Variants in BNIP3 observed in about 807,000 individuals in gnomAD.
BNIP3 encodes the protein BCL2 interacting protein 3.
BNIP3 carries 16 observed loss-of-function variants against 23.9 expected under a neutral mutation model. The observed-to-expected ratio is 0.67, with a 90% CI of 0.45 to 1.01. The LOEUF (loss-of-function observed/expected upper bound fraction) is 1.01. Among genes scored for constraint, BNIP3 ranks in the 50% least tolerant of loss-of-function variants. BNIP3 has a pLI of 0.00. For missense variants in BNIP3, 198 were observed against 248.7 expected (o/e 0.80, Z 1.37); for synonymous variants, 81 against 89.3 (o/e 0.91, Z 0.53).
Position 131,973,954 on chromosome 10 carries a change from C to A in BNIP3, c.47-11G>T. ...GTTCTACCCAGGAGCCTGATGGGGA[C>A]AAAAAAAGGGGCGCAGATGGAATTC... On this transcript the variant is annotated splice_polypyrimidine_tract_variant and intron_variant, in intron 1 of 5. Coordinates refer to ENST00000368636, the MANE Select transcript of BNIP3 (RefSeq NM_004052.4). The A allele has an allele frequency of 1.9e-6, 3 of 1,607,576 alleles. No individual in the cohort carries two copies. The highest frequency in any genetic ancestry group is 1.7e-6 in the Non-Finnish European group (2 of 1,178,326).
intron 3 of BNIP3, 51 bp downstream of exon 3, chr10:131,972,983 A>G (rs909311831): frequency 3.2e-6 from 5 of 1,559,572 alleles, no homozygotes; most frequent in Non-Finnish European, 4.4e-6. Flanking sequence ...CGTTTCCTGT[A>G]CAAACAGATC....
intron 1 of BNIP3, among the ~76,000 whole-genome samples, chr10:131,978,879 TG>T (rs1205998932): frequency 6.7e-6 from 1 of 150,352 alleles, no homozygotes; most frequent in Non-Finnish European, 1.5e-5. Context: ...CCAGGGGAGG[TG>T]GGCTCTAAGA....
At chr10:131,973,758 C>T (rs1319816932) in intron 2 of BNIP3, 35 bp downstream of exon 2, 1 of 1,607,388 alleles carries the variant, frequency 6.2e-7, no homozygotes, top group Non-Finnish European at 8.5e-7. Flanking sequence ...AAGACATCGG[C>T]ACTGTAACAC....
Position 131,967,908 on chromosome 10 carries a change from A to C in BNIP3, c.*616T>G, listed in dbSNP as rs1396381399. 6.6e-6 allele frequency: 1 copy of C among 152,296 alleles called. No homozygotes were observed. The highest frequency in any genetic ancestry group is 2.4e-5 in the African/African-American group (1 of 41,466). The allele number at this position is 152,296 out of a possible 1,614,324, so 9.4% of individuals were successfully genotyped here. On this transcript the variant is annotated 3_prime_UTR_variant, in exon 6 of 6. Coordinates refer to ENST00000368636, the MANE Select transcript of BNIP3 (RefSeq NM_004052.4). Reference sequence around the variant, plus strand: ...TGATCACCTAATAATCGGAGACTTAATTCCTTATAATGCAAAAGCAAGAAG... The same window carrying C: ...TGATCACCTAATAATCGGAGACTTACTTCCTTATAATGCAAAAGCAAGAAG...
intron 1 of BNIP3, among the ~76,000 whole-genome samples, chr10:131,979,948 C>T (rs973628275): frequency 6.6e-6 from 1 of 152,204 alleles, no homozygotes; most frequent in East Asian, 1.9e-4. Flanking sequence ...CGCTCCGTCC[C>T]GGATTTGCAG....
intron 3 of BNIP3, among the ~76,000 whole-genome samples, chr10:131,972,746 T>C (rs928673455): frequency 6.6e-6 from 1 of 152,130 alleles, no homozygotes; most frequent in Non-Finnish European, 1.5e-5. Flanking sequence ...AGGGAGCCCT[T>C]CCTCCTTTCC....
chr10:131,969,076 G>C (rs1288058528), intron 5 of BNIP3: 1 of 156,048 alleles, frequency 6.4e-6, no homozygotes, highest in Non-Finnish European at 1.4e-5. Context: ...ATCACTCCCG[G>C]AGGGAGGAGG....
At chr10:131,973,490 C>T in intron 2 of BNIP3, 1 of 482,634 alleles carries the variant, frequency 2.1e-6, no homozygotes, top group Non-Finnish European at 3.7e-6. Context: ...GGGACCGCTC[C>T]TCCTGCGACC....
At chr10:131,973,457 T>C in intron 2 of BNIP3, 1 of 428,866 alleles carries the variant, frequency 2.3e-6, no homozygotes, top group Admixed American at 3.7e-5. Context: ...TACCTTGGAG[T>C]CACTCAGAAG....
chr10:131,979,150 T>C (rs2037100491), intron 1 of BNIP3, among the ~76,000 whole-genome samples: 3 of 152,230 alleles, frequency 2.0e-5, no homozygotes, highest in African/African-American at 7.2e-5. Context: ...GCAGAGACCT[T>C]GGCTTCTCCT....
In BNIP3 at chr10:131,968,484, A is replaced by G; in HGVS notation, c.*40T>C. 1 of 1,518,996 alleles carries G rather than the reference A, an allele frequency of 6.6e-7. No homozygotes were observed. The highest frequency in any genetic ancestry group is 9.1e-7 in the Non-Finnish European group (1 of 1,095,046). The allele number at this position is 1,518,996 out of a possible 1,614,324, so 94.1% of individuals were successfully genotyped here. A position where few individuals can be genotyped will look rare whatever the true frequency, so the allele number is the denominator to read the frequency against. On this transcript the variant is annotated 3_prime_UTR_variant, in exon 6 of 6. Transcript: ENST00000368636. ...CAGTGAGCTATGTTGCAAGCTCAGA[A>G]GTAATCCACTAACGAACCAAGTCAG...
chr10:131,981,883 G>A lies in BNIP3; in HGVS notation c.-77C>T, dbSNP rs976196909. ...TGCTTCAGCTGCGGGCGGTGGGAAA[G>A]CGGAGGTCGGAGCGCCGCGGCCCAG... On this transcript the variant is annotated 5_prime_UTR_variant, in exon 1 of 6. Transcript: ENST00000368636. The A allele has an allele frequency of 1.1e-5, 15 of 1,368,004 alleles. No homozygotes were observed. In the East Asian group the frequency reaches 2.2e-4, roughly 20 times the overall value. The allele number at this position is 1,368,004 out of a possible 1,614,324, so 84.7% of individuals were successfully genotyped here.
chr10:131,979,941 TCCGTC>T (rs1355881893), intron 1 of BNIP3, among the ~76,000 whole-genome samples: 1 of 152,248 alleles, frequency 6.6e-6, no homozygotes, highest in East Asian at 1.9e-4. Flanking sequence ...GAGCCACCGC[TCCGTC>T]CCGGATTTGC....
intron 1 of BNIP3, among the ~76,000 whole-genome samples, chr10:131,977,853 T>A (rs1393327960): frequency 5.9e-5 from 9 of 152,192 alleles, no homozygotes; most frequent in African/African-American, 2.2e-4. Flanking sequence ...TTCCCAGGAA[T>A]GATTTACTAA....
Position 131,970,521 on chromosome 10 carries a change from T to C in BNIP3, c.539+117A>G. 3 of 1,384,282 alleles carry C rather than the reference T, an allele frequency of 2.2e-6. No homozygotes were observed. The highest frequency in any genetic ancestry group is 2.9e-6 in the Non-Finnish European group (3 of 1,032,576). 85.7% of individuals were successfully genotyped at this position (1,384,282 alleles called of 1,614,324 possible). A position where few individuals can be genotyped will look rare whatever the true frequency, so the allele number is the denominator to read the frequency against. On this transcript the variant is annotated intron_variant, in intron 5 of 5. Coordinates refer to ENST00000368636, the MANE Select transcript of BNIP3 (RefSeq NM_004052.4). This position sits in a 1 kb window ranked among gnomAD's most constrained non-coding sequence, Gnocchi z 4.1. ...GTGACTACGTGGGTGTTTGTGAAAATGCACCAAGCTGTAACTGATGATCTG... is the reference window on the plus strand; with the variant it reads ...GTGACTACGTGGGTGTTTGTGAAAACGCACCAAGCTGTAACTGATGATCTG...
intron 1 of BNIP3, among the ~76,000 whole-genome samples, chr10:131,978,830 G>A (rs1234070577): frequency 2.0e-5 from 3 of 152,208 alleles, no homozygotes; most frequent in African/African-American, 7.2e-5. Flanking sequence ...GAACCCCCGA[G>A]GGAACTAGCA....
chr10:131,981,315 C>T (rs2037116789), intron 1 of BNIP3: 1 of 191,806 alleles, frequency 5.2e-6, no homozygotes, highest in South Asian at 1.9e-4. Context: ...ACATTAATAA[C>T]AAAATTAAAG....
rs1366141315 is a variant in BNIP3, at chr10:131,970,337, T to C, written c.539+301A>G. ...ACACAGAAATGAGACTGCTTTCACC[T>C]ACACACAGGACAAAGAGGTCAGACC... On this transcript the variant is annotated intron_variant, in intron 5 of 5. Coordinates refer to ENST00000368636, the MANE Select transcript of BNIP3 (RefSeq NM_004052.4). The surrounding 1 kb of genome is among the most constrained non-coding windows in gnomAD (Gnocchi z 4.1). The C allele has an allele frequency of 2.3e-6, 1 of 442,226 alleles. No individual in the cohort carries two copies. Among genetic ancestry groups the C allele is most frequent in the Non-Finnish European group, 4.1e-6 (1 of 244,462 alleles). The allele number at this position is 442,226 out of a possible 1,614,324, so 27.4% of individuals were successfully genotyped here.
rs767499629 is a variant in BNIP3, at chr10:131,973,067, A to G, written c.249T>C (p.Asp83=). The G allele has an allele frequency of 1.5e-5, 25 of 1,613,630 alleles. No individual in the cohort carries two copies. Among genetic ancestry groups the G allele is most frequent in the Non-Finnish European group, 1.9e-5 (22 of 1,179,696 alleles). Residue 83 remains aspartate (D), a synonymous_variant, in exon 3 of 6, where the codon GAT becomes GAC. Coordinates refer to ENST00000368636, the MANE Select transcript of BNIP3 (RefSeq NM_004052.4). Reference sequence around the variant, plus strand: ...TGTTTTTCTCTCCAATGCTATGGGTATCTGTTTCAGAAGCTCTGTTGGTAT... The same window carrying G: ...TGTTTTTCTCTCCAATGCTATGGGTGTCTGTTTCAGAAGCTCTGTTGGTAT... ...PQDTNRASET[D]THSIGEKNSS... is the part of the protein sequence containing the mutation.
Sources: allele counts gnomAD v4.1 joint callset (sites outside exome capture counted in the v4.1 genomes callset), GRCh38; gene constraint gnomAD v4.1.1; non-coding constraint Gnocchi (gnomAD v3.1); transcripts MANE v1.5; gene names NCBI Gene and HGNC (gene_info 2026-07-23, HGNC 2026-07-21).